Variants in NPHP4 observed in about 807,000 individuals in gnomAD.
NPHP4 encodes the protein nephrocystin 4.
A neutral mutation model predicts 155.8 loss-of-function variants in NPHP4; 151 were observed. The observed-to-expected ratio is 0.97, with a 90% confidence interval of 0.85 to 1.11. The LOEUF (loss-of-function observed/expected upper bound fraction) is 1.11, where lower values mean the gene tolerates loss of function less well. Ranked by LOEUF, NPHP4 falls within the 50% of genes least tolerant of loss-of-function variation. The probability of loss-of-function intolerance (pLI) is 0.00; values close to 1 mark genes in which losing one functional copy is unlikely to be tolerated. For synonymous variants in NPHP4, 845 were observed against 816.8 expected, an observed-to-expected ratio of 1.03 and a Z score of -0.59; for missense variants, 1,956 against 1,925.7, an observed-to-expected ratio of 1.02 and a Z score of -0.29.
rs767905786 is a variant in NPHP4 at position 5,863,247 on chromosome 1, G to T, written c.*18C>A. 4 of 1,613,804 alleles carry T rather than the reference G, an allele frequency of 2.5e-6. No homozygotes were observed. The highest frequency in any genetic ancestry group is 3.4e-6 in the Non-Finnish European group (4 of 1,179,658). ...GGCCCCAGCTGGGTGCCGCAGGAAG[G>T]ACGTCACCCTCAAGCCCTCACTGGT... On this transcript the variant is annotated 3_prime_UTR_variant, in exon 30 of 30. Transcript: ENST00000378156.
chr1:5,877,840 G>A (rs1007406194), intron 19 of NPHP4, among the ~76,000 whole-genome samples: 4 of 152,134 alleles, frequency 2.6e-5, no homozygotes, highest in African/African-American at 7.2e-5. Flanking sequence ...CGCCTCCTCT[G>A]GGGTGGCCCT....
At chr1:5,950,166 T>C (rs1647697468) in intron 7 of NPHP4, among the ~76,000 whole-genome samples, 1 of 152,180 alleles carries the variant, frequency 6.6e-6, no homozygotes, top group African/African-American at 2.4e-5. Context: ...AAAGACCTCT[T>C]TGACTACTGA....
intron 11 of NPHP4, among the ~76,000 whole-genome samples, chr1:5,925,172 CTTGGA>C (rs903277731): frequency 3.3e-5 from 5 of 152,168 alleles, no homozygotes; most frequent in African/African-American, 1.2e-4. Flanking sequence ...TTCAACCAGC[CTTGGA>C]TTGAAAATAT....
intron 12 of NPHP4, among the ~76,000 whole-genome samples, chr1:5,908,922 C>T (rs1038306434): frequency 3.3e-5 from 5 of 152,196 alleles, no homozygotes; most frequent in African/African-American, 1.2e-4. Flanking sequence ...CATACAGCAG[C>T]ATAGGGGTTG....
intron 11 of NPHP4, among the ~76,000 whole-genome samples, chr1:5,925,485 T>C (rs1382185178): frequency 6.6e-6 from 1 of 152,254 alleles, no homozygotes; most frequent in Non-Finnish European, 1.5e-5. Flanking sequence ...TCTAAGGTCC[T>C]CCGTTTTTCA....
At chr1:5,886,327 G>A (rs961311978) in intron 18 of NPHP4, among the ~76,000 whole-genome samples, 7 of 152,204 alleles carry the variant, frequency 4.6e-5, no homozygotes, top group African/African-American at 1.4e-4. Flanking sequence ...TTAACGAGCT[G>A]TGCACTTGAG....
At chr1:5,879,776 C>T (rs1303624919) in intron 19 of NPHP4, 4 of 238,426 alleles carry the variant, frequency 1.7e-5, no homozygotes, top group Admixed American at 6.9e-5. Context: ...ACGAATGGTG[C>T]GCACACACAC....
Position 5,986,219 on chromosome 1 carries a change from G to C in NPHP4, c.71C>G (p.Pro24Arg). 6.2e-7 allele frequency: 1 copy of C among 1,613,932 alleles called. No individual in the cohort carries two copies. The highest frequency in any genetic ancestry group is 8.5e-7 in the Non-Finnish European group (1 of 1,179,874). ...CTGGAATGCCGTGGATTCCTTCCAA[G>C]GCTGGCGCGCTCTCTGTGGGTGGGG... ...VPPHPQRARQ[P>R]WKESTAFQCV... is the part of the protein sequence containing the mutation. The change falls in exon 2 of 30, where the codon CCT becomes CGT. Residue 24 changes from proline (P) to arginine (R), a missense_variant. Pro to Arg is a moderately radical substitution (Grantham distance 103). Coordinates refer to ENST00000378156, the MANE Select transcript of NPHP4 (RefSeq NM_015102.5).
chr1:5,887,509 G>C (rs1341445896), intron 17 of NPHP4, 43 bp from the exon 18 acceptor site: 1 of 1,600,224 alleles, frequency 6.2e-7, no homozygotes, highest in South Asian at 1.1e-5. Flanking sequence ...AGCCGGCCCT[G>C]GGCTGCTTCC....
chr1:5,898,323 C>G (rs1181337995), intron 16 of NPHP4, among the ~76,000 whole-genome samples: 1 of 152,232 alleles, frequency 6.6e-6, no homozygotes, highest in Non-Finnish European at 1.5e-5. Context: ...GGAGACCACG[C>G]CCTCGGCAGA....
intron 23 of NPHP4, among the ~76,000 whole-genome samples, chr1:5,872,507 C>T (rs1178867350): frequency 2.6e-5 from 4 of 152,182 alleles, no homozygotes; most frequent in Non-Finnish European, 5.9e-5. Context: ...TAGATCAAGG[C>T]AAAGCTGTGG....
chr1:5,894,263 G>A (rs1318422994), intron 16 of NPHP4, among the ~76,000 whole-genome samples: 1 of 152,138 alleles, frequency 6.6e-6, no homozygotes, highest in African/African-American at 2.4e-5. Flanking sequence ...ATGCCAGCCT[G>A]AGCAACATGG....
At chr1:5,917,597 GT>G (rs1240243313) in intron 11 of NPHP4, among the ~76,000 whole-genome samples, 1 of 152,152 alleles carries the variant, frequency 6.6e-6, no homozygotes, top group Non-Finnish European at 1.5e-5. Context: ...ATACAAAAGG[GT>G]TTTGATTAAT....
chr1:5,942,895 G>A (rs11120849), intron 9 of NPHP4, among the ~76,000 whole-genome samples: 3,215 of 152,268 alleles, frequency 0.021, 94 homozygotes, highest in African/African-American at 0.07. Context: ...GAGGATGCCC[G>A]CTTATTCAGA....
intron 27 of NPHP4, 130 bp downstream of exon 27, chr1:5,864,972 G>A: frequency 1.2e-6 from 1 of 865,828 alleles, no homozygotes; most frequent in Non-Finnish European, 1.8e-6. Context: ...TCTGGTAACA[G>A]CGTCTGCGCG....
Position 5,870,199 on chromosome 1 carries a change from G to C in NPHP4, c.3316-2303C>G, listed in dbSNP as rs558448021. Among the ~76,000 whole-genome samples, 7 of 152,322 alleles carry C rather than the reference G, an allele frequency of 4.6e-5. 1 individual carries two copies. Among genetic ancestry groups the C allele is most frequent in the Middle Eastern group, 3.4e-3 (1 of 294 alleles). On this transcript the variant is annotated intron_variant, in intron 23 of 29. Transcript: ENST00000378156. The stretch of plus-strand genomic sequence containing the variant: ...ATGCAAGCTGAGCCTGGGGCGTCTT[G>C]CTGTGCTGGGCAGTAAGGAAAGACT...
chr1:5,872,444 T>C (rs892080210), intron 23 of NPHP4, among the ~76,000 whole-genome samples: 4 of 152,142 alleles, frequency 2.6e-5, no homozygotes, highest in African/African-American at 9.7e-5. Flanking sequence ...TTCCCACTCA[T>C]GTAAGGAAAA....
chr1:5,921,777 T>C (rs1233298867), intron 11 of NPHP4, among the ~76,000 whole-genome samples: 2 of 152,236 alleles, frequency 1.3e-5, no homozygotes, highest in African/African-American at 4.8e-5. Context: ...ATTCTAACAT[T>C]TCTGAAGTTT....
At position 5,948,057 on chromosome 1, in the gene NPHP4, C is replaced by A; in HGVS notation, c.992+13G>T. On this transcript the variant is annotated intron_variant, in intron 8 of 29. Transcript: ENST00000378156. The stretch of plus-strand genomic sequence containing the variant: ...ACATCCCCACCCATCCCTGGGGACC[C>A]AAGAGACAATACCTGGTCTTGGAAG... The A allele has an allele frequency of 6.2e-7, 1 of 1,610,038 alleles. No homozygotes were observed. Among genetic ancestry groups the A allele is most frequent in the Non-Finnish European group, 8.5e-7 (1 of 1,176,402 alleles).
Sources: gnomAD v4.1 joint callset for allele counts (sites outside exome capture counted in the v4.1 genomes callset) on GRCh38, gnomAD v4.1.1 for gene constraint, MANE v1.5 for transcripts, NCBI Gene and HGNC (gene_info 2026-07-23, HGNC 2026-07-21) for gene names.